Variants in DIP2A observed in about 807,000 individuals in gnomAD.
DIP2A encodes DIP2 acetate--CoA ligase A.
Under a neutral mutation model 177.4 loss-of-function variants are expected in DIP2A, and 85 were observed. That is an observed-to-expected ratio of 0.48 (90% CI 0.40 to 0.57). The LOEUF is 0.57. DIP2A is among the 20% of genes least tolerant of loss of function. The pLI is 0.00. For missense variants in DIP2A, 1,791 were observed against 2,100.2 expected, an observed-to-expected ratio of 0.85 and a Z score of 2.88; for synonymous variants, 886 against 881.8, an observed-to-expected ratio of 1.00 and a Z score of -0.08.
rs777561357 is a variant in DIP2A, at chr21:46,563,919, C to G, written c.4151C>G (p.Ser1384Ter). The change falls in exon 35 of 38, where the codon TCA becomes TGA. Residue 1384 changes from serine to a stop codon, truncating the protein, a stop_gained. Transcript: ENST00000417564. LOFTEE classifies it high-confidence loss of function. The surrounding 1 kb of genome is among the most constrained non-coding windows in gnomAD (Gnocchi z 4.3). ...HTETKGPLGD[S>*]HLGEIWVSSP... ...GAGACCAAAGGACCCTTGGGAGACT[C>G]ACACCTGGGAGAGGTGAGCAGGGGC... The G allele has an allele frequency of 3.7e-6, 6 of 1,613,188 alleles. No individual in the cohort carries two copies. The highest frequency in any genetic ancestry group is 5.1e-6 in the Non-Finnish European group (6 of 1,179,738).
At position 46,557,435 on chromosome 21, in the gene DIP2A, A is replaced by G; in HGVS notation, c.3630-150A>G. 1.0e-6 allele frequency: 1 copy of G among 994,458 alleles called. No homozygotes were observed. The highest frequency in any genetic ancestry group is 2.7e-5 in the East Asian group (1 of 37,688). The allele number at this position is 994,458 out of a possible 1,614,324, so 61.6% of individuals were successfully genotyped here. ...CATCCCCCAACCTTCACCCTGTGGC[A>G]TGTTTTCCACCAAACCCCCCCACTT... On this transcript the variant is annotated intron_variant, in intron 30 of 37. Transcript: ENST00000417564. The surrounding 1 kb of genome is among the most constrained non-coding windows in gnomAD (Gnocchi z 6.0).
At chr21:46,485,896 C>G (rs2056652222) in intron 2 of DIP2A, among the ~76,000 whole-genome samples, 2 of 151,574 alleles carry the variant, frequency 1.3e-5, no homozygotes, top group African/African-American at 4.9e-5. Flanking sequence ...CATAGGGAAG[C>G]CTTGTCTCTA....
intron 1 of DIP2A, among the ~76,000 whole-genome samples, chr21:46,459,586 G>A (rs1352222010): frequency 8.9e-5 from 2 of 22,504 alleles, no homozygotes; most frequent in East Asian, 1.5e-3. Flanking sequence ...CCCTCACCCC[G>A]GGGACCCCGC....
intron 8 of DIP2A, among the ~76,000 whole-genome samples, chr21:46,514,642 G>GTTTTTTTTTTTTTTTTTTTTTTTT (rs1159261551): frequency 1.5e-5 from 1 of 67,786 alleles, no homozygotes; most frequent in African/African-American, 5.2e-5. Flanking sequence ...TTTTTTTTTG[G>GTTTTTTTTTTTTTTTTTTTTTTTT]TTTTTTTTTT....
intron 1 of DIP2A, among the ~76,000 whole-genome samples, chr21:46,470,548 G>A (rs770696626): frequency 1.3e-4 from 20 of 151,646 alleles, no homozygotes; most frequent in Admixed American, 1.3e-3. Context: ...CGAGGTGGGC[G>A]GATCACGAAG....
intron 8 of DIP2A, among the ~76,000 whole-genome samples, chr21:46,519,377 C>G (rs985964689): frequency 2.6e-5 from 4 of 152,136 alleles, no homozygotes; most frequent in African/African-American, 2.4e-5. Context: ...TTTACCTAGC[C>G]CCTATTCAAG....
intron 32 of DIP2A, among the ~76,000 whole-genome samples, chr21:46,559,827 C>CT (rs2148903290): frequency 6.6e-6 from 1 of 152,320 alleles, no homozygotes; most frequent in Non-Finnish European, 1.5e-5. Context: ...TCCTTGGCCT[C>CT]TGTCAGCCCA....
At chr21:46,575,733 G>T in the DIP2A span, among the ~76,000 whole-genome samples, 18,300 of 152,050 alleles carry the variant, frequency 0.12, 1,456 homozygotes, top group African/African-American at 0.22. Context: ...AACATTGAAT[G>T]GAAAACATCG....
At chr21:46,509,447 C>T (rs2058198122) in intron 7 of DIP2A, 71 bp downstream of exon 7, 2 of 1,536,284 alleles carry the variant, frequency 1.3e-6, no homozygotes. Flanking sequence ...GAAACACAGG[C>T]AAATGTATAT....
intron 8 of DIP2A, among the ~76,000 whole-genome samples, chr21:46,517,952 C>G (rs2058660325): frequency 6.6e-6 from 1 of 152,222 alleles, no homozygotes; most frequent in Admixed American, 6.5e-5. Context: ...TTGCTGCCTC[C>G]AAAAGATCAT....
intron 32 of DIP2A, chr21:46,559,126 ATAGG>A (rs1230502597): frequency 1.5e-5 from 2 of 135,860 alleles, no homozygotes; most frequent in Admixed American, 7.6e-5. Flanking sequence ...AAAAAAAAAC[ATAGG>A]TAGCACCAAG....
At chr21:46,502,635 A>G (rs1279414348) in intron 5 of DIP2A, among the ~76,000 whole-genome samples, 2 of 151,902 alleles carry the variant, frequency 1.3e-5, no homozygotes, top group Admixed American at 6.6e-5. Context: ...TTTAGTAGAG[A>G]CAGGGTTTCA....
At chr21:46,501,212 C>T (rs140752888) in intron 5 of DIP2A, among the ~76,000 whole-genome samples, 230 of 152,160 alleles carry the variant, frequency 1.5e-3, no homozygotes, top group Admixed American at 3.3e-3. Context: ...GTAAAAAATT[C>T]GAGGTAGAAC....
At position 46,511,525 on chromosome 21, in the gene DIP2A, C is replaced by T. The variant is rs1164354575; in HGVS notation, c.1013C>T (p.Thr338Ile). The change falls in exon 8 of 38, where the codon ACC becomes ATC. Residue 338 changes from threonine to isoleucine, a missense_variant. Physicochemically the swap from Thr to Ile is moderately conservative, Grantham distance 89. Transcript: ENST00000417564. ...GVPRPPSLLA[T>I]LQRWGTTQPK... ...CCCCGACCGCCGTCGCTGTTGGCCA[C>T]CTTGCAGCGCTGGGGCACAACACAG... is the stretch of plus-strand genomic sequence containing the variant. 6.2e-7 allele frequency: 1 copy of T among 1,611,852 alleles called. No individual in the cohort carries two copies. The highest frequency in any genetic ancestry group is 1.7e-5 in the Admixed American group (1 of 59,556).
chr21:46,504,570 T>C, intron 6 of DIP2A, 81 bp downstream of exon 6: 2 of 1,481,404 alleles, frequency 1.4e-6, no homozygotes, highest in South Asian at 2.8e-5. Context: ...TTTAATGTAT[T>C]CACTGTAGCA....
intron 1 of DIP2A, among the ~76,000 whole-genome samples, chr21:46,477,947 T>A (rs1433944960): frequency 6.6e-6 from 1 of 151,828 alleles, no homozygotes; most frequent in Non-Finnish European, 1.5e-5. Context: ...GAGGGAAGAG[T>A]GATTTCATTT....
chr21:46,497,205 C>T (rs1217282654), intron 4 of DIP2A, 98 bp downstream of exon 4: 26 of 1,422,964 alleles, frequency 1.8e-5, no homozygotes, highest in Non-Finnish European at 2.4e-5. Flanking sequence ...ATCCGTCTGG[C>T]CTGTAGTATA....
the DIP2A span, among the ~76,000 whole-genome samples, chr21:46,581,963 C>G: frequency 6.6e-6 from 1 of 152,182 alleles, no homozygotes; most frequent in Non-Finnish European, 1.5e-5. Flanking sequence ...CTGGCTGCCC[C>G]TTGGTGGAGT....
chr21:46,542,361 G>A (rs911766939), intron 18 of DIP2A, among the ~76,000 whole-genome samples: 3 of 152,178 alleles, frequency 2.0e-5, no homozygotes, highest in Non-Finnish European at 4.4e-5. Flanking sequence ...TAACCCCATG[G>A]CAACCATGTG....
Sources: allele counts gnomAD v4.1 joint callset (sites outside exome capture counted in the v4.1 genomes callset), GRCh38; gene constraint gnomAD v4.1.1; non-coding constraint Gnocchi (gnomAD v3.1); transcripts MANE v1.5; gene names NCBI Gene and HGNC (gene_info 2026-07-23, HGNC 2026-07-21).